The following CCDC7 variants were observed in gnomAD, a reference collection of about 807,000 sequenced individuals.
CCDC7 encodes the protein coiled-coil domain-containing protein 7.
Under a neutral mutation model 196.9 loss-of-function variants are expected in CCDC7, and 183 were observed. That is an observed-to-expected ratio of 0.93 (90% CI 0.82 to 1.05). The LOEUF (loss-of-function observed/expected upper bound fraction) is 1.05, where lower values mean the gene tolerates loss of function less well. Ranked by LOEUF, CCDC7 falls within the 50% of genes least tolerant of loss-of-function variation. The pLI, the probability that CCDC7 is intolerant of heterozygous loss-of-function variation, is 0.00. For missense variants in CCDC7, 1,540 were observed against 1,482.2 expected (o/e 1.04, Z -0.64); for synonymous variants, 525 against 484.6 (o/e 1.08, Z -1.10).
At chr10:32,652,677 C>G (rs1189497138) in intron 20 of CCDC7, among the ~76,000 whole-genome samples, 3 of 151,984 alleles carry the variant, frequency 2.0e-5, no homozygotes, top group Non-Finnish European at 4.4e-5. Context: ...AAAAGAGAAA[C>G]AAAACTAAAA....
chr10:32,769,185 T>C (rs2078775276), intron 28 of CCDC7, among the ~76,000 whole-genome samples: 2 of 152,170 alleles, frequency 1.3e-5, no homozygotes, highest in South Asian at 4.1e-4. Flanking sequence ...ATCTTACTAC[T>C]CCTTATTGGT....
chr10:32,727,037 C>G (rs192859410), intron 26 of CCDC7, among the ~76,000 whole-genome samples: 1 of 152,228 alleles, frequency 6.6e-6, no homozygotes, highest in East Asian at 1.9e-4. Flanking sequence ...TATTTCACAG[C>G]CATTGGACAT....
intron 21 of CCDC7, among the ~76,000 whole-genome samples, chr10:32,675,492 G>T (rs2074788500): frequency 6.6e-6 from 1 of 151,970 alleles, no homozygotes; most frequent in East Asian, 1.9e-4. Flanking sequence ...TGTGATTATA[G>T]TTATCCTTAA....
intron 28 of CCDC7, among the ~76,000 whole-genome samples, chr10:32,738,916 T>C (rs1350385173): frequency 7.3e-6 from 1 of 137,028 alleles, no homozygotes; most frequent in East Asian, 1.9e-4. Context: ...AATTATGTCA[T>C]TTTTTTTCTG....
intron 9 of CCDC7, among the ~76,000 whole-genome samples, chr10:32,492,645 T>C (rs909056837): frequency 1.3e-5 from 2 of 151,784 alleles, no homozygotes; most frequent in African/African-American, 4.8e-5. Flanking sequence ...GTCAACTTCA[T>C]AGACACAGAA....
intron 9 of CCDC7, among the ~76,000 whole-genome samples, chr10:32,498,786 C>A (rs1234104534): frequency 1.3e-5 from 2 of 151,702 alleles, no homozygotes; most frequent in Non-Finnish European, 2.9e-5. Flanking sequence ...TTGTGGGTAA[C>A]CCGACCTTTC....
chr10:32,608,153 T>A (rs1025416265), intron 18 of CCDC7, among the ~76,000 whole-genome samples: 1 of 151,812 alleles, frequency 6.6e-6, no homozygotes, highest in Admixed American at 6.5e-5. Context: ...ACTATTGTAA[T>A]GTGTCTTTTT....
intron 28 of CCDC7, among the ~76,000 whole-genome samples, chr10:32,759,279 T>C (rs1290786733): frequency 6.6e-6 from 1 of 152,184 alleles, no homozygotes; most frequent in African/African-American, 2.4e-5. Context: ...AGAGCCCGCA[T>C]TGCCAAGTCA....
intron 18 of CCDC7, among the ~76,000 whole-genome samples, chr10:32,605,744 G>A (rs1467821237): frequency 1.3e-5 from 2 of 152,148 alleles, no homozygotes; most frequent in Non-Finnish European, 2.9e-5. Context: ...AGCAACCTAA[G>A]TCAGATACAG....
At chr10:32,647,122 G>A (rs2067901633) in intron 20 of CCDC7, among the ~76,000 whole-genome samples, 1 of 152,216 alleles carries the variant, frequency 6.6e-6, no homozygotes, top group African/African-American at 2.4e-5. Flanking sequence ...TGGGCTGAAT[G>A]GTAGTTCTGT....
intron 11 of CCDC7, among the ~76,000 whole-genome samples, chr10:32,541,661 C>A (rs1014917029): frequency 6.6e-6 from 1 of 152,232 alleles, no homozygotes; most frequent in Non-Finnish European, 1.5e-5. Context: ...TTTACTGAGG[C>A]AGTGACATTG....
chr10:32,851,678 A>G, intron 39 of CCDC7, 129 bp from the exon 41 acceptor site: 1 of 864,476 alleles, frequency 1.2e-6, no homozygotes, highest in Non-Finnish European at 1.7e-6. Context: ...GTATCCTTTC[A>G]GTTTTTTTAA....
At chr10:32,561,584 G>C (rs1337428426) in intron 13 of CCDC7, among the ~76,000 whole-genome samples, 1 of 152,148 alleles carries the variant, frequency 6.6e-6, no homozygotes, top group Non-Finnish European at 1.5e-5. Flanking sequence ...CAGAGATAAA[G>C]ATGTTCTTTG....
At chr10:32,871,018 T>G (rs2094408241) in intron 41 of CCDC7, among the ~76,000 whole-genome samples, 1 of 152,326 alleles carries the variant, frequency 6.6e-6, no homozygotes, top group East Asian at 1.9e-4. Context: ...TGAGGATTTT[T>G]GCATGAATGT....
At chr10:32,752,605 A>G (rs182860188) in intron 28 of CCDC7, among the ~76,000 whole-genome samples, 2 of 152,270 alleles carry the variant, frequency 1.3e-5, no homozygotes, top group East Asian at 3.9e-4. Context: ...CTTAATATAT[A>G]AAATAGGACA....
intron 33 of CCDC7, among the ~76,000 whole-genome samples, chr10:32,839,581 A>G (rs1377789465): frequency 6.6e-6 from 1 of 152,072 alleles, no homozygotes; most frequent in South Asian, 2.1e-4. Flanking sequence ...CACTGACAGC[A>G]CTAGACAAAT....
At chr10:32,875,421 T>C (rs977271651) in intron 41 of CCDC7, among the ~76,000 whole-genome samples, 7 of 152,072 alleles carry the variant, frequency 4.6e-5, no homozygotes, top group Non-Finnish European at 7.4e-5. Context: ...TTTTGTCAGG[T>C]TTGTCAAAGA....
intron 20 of CCDC7, among the ~76,000 whole-genome samples, chr10:32,639,261 C>G (rs2066260032): frequency 6.6e-6 from 1 of 152,028 alleles, no homozygotes; most frequent in Non-Finnish European, 1.5e-5. Context: ...TTAGTTATTT[C>G]TTGCCTTCTG....
chr10:32,724,307 C>G (rs572684020), intron 25 of CCDC7, among the ~76,000 whole-genome samples: 1 of 152,096 alleles, frequency 6.6e-6, no homozygotes, highest in African/African-American at 2.4e-5. Flanking sequence ...CCTCGGGGTT[C>G]TTTTCTTTTC....
Sources: allele counts gnomAD v4.1 joint callset (sites outside exome capture counted in the v4.1 genomes callset), GRCh38; gene constraint gnomAD v4.1.1; transcripts MANE v1.5; gene names NCBI Gene and HGNC (gene_info 2026-07-23, HGNC 2026-07-21).